AAGAB: variants seen among roughly 807,000 people sequenced by gnomAD.
AAGAB encodes the protein alpha and gamma adaptin binding protein.
In AAGAB, 38 loss-of-function variants were observed where a neutral mutation model predicts 44.1. The observed-to-expected ratio is 0.86, with a 90% CI of 0.67 to 1.13. AAGAB has a LOEUF of 1.13. AAGAB is among the 50% of genes most tolerant of loss of function. The pLI, the probability that AAGAB is intolerant of heterozygous loss-of-function variation, is 0.00. For synonymous variants in AAGAB, 131 were observed against 131.8 expected (o/e 0.99, Z 0.04); for missense variants, 450 against 373.8 (o/e 1.20, Z -1.68).
chr15:67,241,614 CA>C (rs1422593931), intron 1 of AAGAB, among the ~76,000 whole-genome samples: 1 of 152,012 alleles, frequency 6.6e-6, no homozygotes, highest in African/African-American at 2.4e-5. Flanking sequence ...TGGCTCTCTG[CA>C]AAGCCTTGGG....
intron 5 of AAGAB, among the ~76,000 whole-genome samples, chr15:67,224,708 G>A (rs1447372859): frequency 6.6e-6 from 1 of 151,088 alleles, no homozygotes; most frequent in East Asian, 1.9e-4. Context: ...AGCCTCCCAA[G>A]TAGCTGGGAT....
chr15:67,235,843 T>C, intron 4 of AAGAB, 136 bp downstream of exon 4: 1 of 655,088 alleles, frequency 1.5e-6, no homozygotes, highest in Non-Finnish European at 2.6e-6. Flanking sequence ...TAAGATTACA[T>C]CAATGGATTT....
intron 5 of AAGAB, among the ~76,000 whole-genome samples, chr15:67,222,242 G>GCGCGCGCGCGCGCGCACACA (rs1367738219): frequency 4.4e-5 from 4 of 90,044 alleles, no homozygotes; most frequent in African/African-American, 1.5e-4. Flanking sequence ...GCGCGCGCGC[G>GCGCGCGCGCGCGCGCACACA]CACACACACA....
At chr15:67,211,839 T>G (rs1330378703) in intron 5 of AAGAB, among the ~76,000 whole-genome samples, 1 of 152,156 alleles carries the variant, frequency 6.6e-6, no homozygotes, top group African/African-American at 2.4e-5. Context: ...CAATGTCAGT[T>G]TATGCATGTT....
chr15:67,255,177 G>A (rs1965099908), upstream of AAGAB: 2 of 590,664 alleles, frequency 3.4e-6, no homozygotes, highest in Middle Eastern at 9.1e-4. Flanking sequence ...TCTGCCTCTG[G>A]GAAAACTCTA....
chr15:67,246,602 G>T (rs2140395605), intron 1 of AAGAB, among the ~76,000 whole-genome samples: 1 of 152,222 alleles, frequency 6.6e-6, no homozygotes, highest in Middle Eastern at 3.4e-3. Flanking sequence ...TGGGTCGAGT[G>T]GGGACTAGCT....
intron 1 of AAGAB, among the ~76,000 whole-genome samples, chr15:67,253,914 G>A (rs1183486423): frequency 6.6e-6 from 1 of 152,082 alleles, no homozygotes; most frequent in Non-Finnish European, 1.5e-5. Flanking sequence ...TAGTAGAGTT[G>A]GCTTATTATC....
At chr15:67,237,201 G>A (rs992144739) in intron 1 of AAGAB, among the ~76,000 whole-genome samples, 3 of 152,156 alleles carry the variant, frequency 2.0e-5, no homozygotes, top group African/African-American at 7.2e-5. Flanking sequence ...CAATCTTCTA[G>A]AATTTGTAAC....
At chr15:67,227,857 C>T (rs1315338476) in intron 5 of AAGAB, among the ~76,000 whole-genome samples, 4 of 152,100 alleles carry the variant, frequency 2.6e-5, no homozygotes, top group African/African-American at 9.7e-5. Flanking sequence ...ATACCACATA[C>T]ACCAGGATCC....
chr15:67,240,245 G>A (rs1964564140), intron 1 of AAGAB, among the ~76,000 whole-genome samples: 1 of 152,204 alleles, frequency 6.6e-6, no homozygotes, highest in Non-Finnish European at 1.5e-5. Flanking sequence ...ATGAGTCACA[G>A]TGATCTTGAG....
chr15:67,228,820 T>C (rs929050048), intron 5 of AAGAB, among the ~76,000 whole-genome samples: 1 of 152,152 alleles, frequency 6.6e-6, no homozygotes, highest in African/African-American at 2.4e-5. Context: ...TCATCTCCTT[T>C]GCAGCAACAT....
intron 1 of AAGAB, among the ~76,000 whole-genome samples, chr15:67,245,935 AT>A (rs1213420267): frequency 6.6e-6 from 1 of 152,152 alleles, no homozygotes; most frequent in Non-Finnish European, 1.5e-5. Flanking sequence ...ATGATCAAAC[AT>A]TTTCCTGATC....
At chr15:67,254,996 C>G (rs1316540092), upstream of AAGAB, 1 of 1,566,122 alleles carries the variant, frequency 6.4e-7, no homozygotes, top group South Asian at 1.1e-5. Flanking sequence ...CGCGCCACTT[C>G]CGAGCGAGGT....
chr15:67,247,480 TAA>T (rs1299673628), intron 1 of AAGAB, among the ~76,000 whole-genome samples: 1 of 152,158 alleles, frequency 6.6e-6, no homozygotes, highest in Non-Finnish European at 1.5e-5. Context: ...GGTCCAGAAA[TAA>T]AAGTCTGATT....
At chr15:67,206,998 A>G (rs1440323983) in intron 7 of AAGAB, among the ~76,000 whole-genome samples, 1 of 152,180 alleles carries the variant, frequency 6.6e-6, no homozygotes, top group African/African-American at 2.4e-5. Context: ...CCTGACCAAC[A>G]CGCAGAAACC....
chr15:67,228,900 C>T (rs890617376), intron 5 of AAGAB, among the ~76,000 whole-genome samples: 3 of 152,106 alleles, frequency 2.0e-5, no homozygotes, highest in African/African-American at 7.2e-5. Flanking sequence ...TTAACACATG[C>T]TCCCACTTAT....
chr15:67,232,007 A>T (rs1964349090), intron 4 of AAGAB, 110 bp from the exon 5 acceptor site: 1 of 839,886 alleles, frequency 1.2e-6, no homozygotes, highest in Non-Finnish European at 1.9e-6. Flanking sequence ...TAATCCCAGC[A>T]CTTTGGGAGG....
intron 6 of AAGAB, among the ~76,000 whole-genome samples, chr15:67,209,157 G>C (rs1389962620): frequency 6.6e-6 from 1 of 152,084 alleles, no homozygotes; most frequent in Non-Finnish European, 1.5e-5. Context: ...CTTTTACACA[G>C]GAAGTACTAA....
chr15:67,254,423 C>CT, intron 1 of AAGAB, 136 bp downstream of exon 1: 1 of 1,442,178 alleles, frequency 6.9e-7, no homozygotes, highest in Non-Finnish European at 9.1e-7. Flanking sequence ...CCTGGGGAGA[C>CT]TGGGCGCCTC....
Sources: allele counts gnomAD v4.1 joint callset (sites outside exome capture counted in the v4.1 genomes callset), GRCh38; gene constraint gnomAD v4.1.1; transcripts MANE v1.5; gene names NCBI Gene and HGNC (gene_info 2026-07-23, HGNC 2026-07-21).